The following MAML3 variants were observed in gnomAD, a reference collection of about 807,000 sequenced individuals.
The protein encoded by MAML3 is mastermind like transcriptional coactivator 3.
Under a neutral mutation model 101.9 loss-of-function variants are expected in MAML3, and 27 were observed. That is an observed-to-expected ratio of 0.27 (90% CI 0.20 to 0.37). The LOEUF is 0.37. MAML3 is among the 10% of genes least tolerant of loss of function. MAML3 has a pLI of 1.00. For missense variants in MAML3, 1,316 were observed against 1,444.9 expected (o/e 0.91, Z 1.45); for synonymous variants, 501 against 555.9 (o/e 0.90, Z 1.39).
chr4:140,036,816 G>A (rs971782176), intron 1 of MAML3, among the ~76,000 whole-genome samples: 5 of 152,036 alleles, frequency 3.3e-5, no homozygotes, highest in Admixed American at 3.3e-4. Flanking sequence ...CCAAAAGTTT[G>A]TCTCCTAGAG....
chr4:139,954,696 G>T (rs1193767292), intron 1 of MAML3, among the ~76,000 whole-genome samples: 1 of 152,050 alleles, frequency 6.6e-6, no homozygotes, highest in Non-Finnish European at 1.5e-5. Flanking sequence ...CTTTATTTTT[G>T]TTTTTTTGAG....
intron 2 of MAML3, among the ~76,000 whole-genome samples, chr4:139,745,545 A>G (rs1484077013): frequency 6.6e-6 from 1 of 152,166 alleles, no homozygotes; most frequent in Non-Finnish European, 1.5e-5. Flanking sequence ...TGCAAGAATA[A>G]GAATTCTCAT....
At chr4:139,812,600 C>T (rs1472514504) in intron 2 of MAML3, among the ~76,000 whole-genome samples, 1 of 152,210 alleles carries the variant, frequency 6.6e-6, no homozygotes, top group Non-Finnish European at 1.5e-5. Context: ...CCAAACCTGT[C>T]TGGCACTTGG....
intron 2 of MAML3, among the ~76,000 whole-genome samples, chr4:139,839,700 A>C (rs768317796): frequency 1.3e-5 from 2 of 152,188 alleles, no homozygotes; most frequent in African/African-American, 2.4e-5. Context: ...CAAGGGATGG[A>C]AACCGTGCAT....
chr4:139,788,190 A>G (rs909402284), intron 2 of MAML3, among the ~76,000 whole-genome samples: 2 of 152,198 alleles, frequency 1.3e-5, no homozygotes, highest in Non-Finnish European at 2.9e-5. Context: ...TTGAAAACTC[A>G]GTGAGAAATC....
chr4:140,106,088 GA>G (rs1174250000), intron 1 of MAML3, among the ~76,000 whole-genome samples: 13 of 104,054 alleles, frequency 1.2e-4, no homozygotes, highest in African/African-American at 4.7e-4. Context: ...TTTACTTCAG[GA>G]AATTTCTTGG....
chr4:140,147,110 C>T (rs926828981), intron 1 of MAML3, among the ~76,000 whole-genome samples: 1 of 121,134 alleles, frequency 8.3e-6, no homozygotes, highest in Non-Finnish European at 1.6e-5. Flanking sequence ...TCCAGCCTGA[C>T]GGCAGAGTGA....
chr4:139,842,360 A>G (rs1001827615), intron 2 of MAML3, among the ~76,000 whole-genome samples: 6 of 152,192 alleles, frequency 3.9e-5, no homozygotes, highest in Admixed American at 3.9e-4. Context: ...TTATCCCCTG[A>G]TTTTACATAC....
chr4:140,151,689 G>GC (rs1166430630), intron 1 of MAML3, among the ~76,000 whole-genome samples: 1 of 68,692 alleles, frequency 1.5e-5, no homozygotes, highest in Admixed American at 1.7e-4. Context: ...GCGGCGCGGT[G>GC]CGGGGGGGGG....
At chr4:139,946,933 T>A (rs868647834) in intron 1 of MAML3, among the ~76,000 whole-genome samples, 109 of 127,362 alleles carry the variant, frequency 8.6e-4, no homozygotes, top group South Asian at 3.7e-3. Context: ...ACACTCTCTC[T>A]CTCTCTCTCT....
intron 1 of MAML3, among the ~76,000 whole-genome samples, chr4:139,969,022 G>A (rs985637379): frequency 9.9e-5 from 15 of 151,754 alleles, no homozygotes; most frequent in South Asian, 2.1e-4. Flanking sequence ...AGAGGGTGCC[G>A]GCCCTCCCAT....
At chr4:140,149,448 T>A (rs185671048) in intron 1 of MAML3, among the ~76,000 whole-genome samples, 4 of 152,362 alleles carry the variant, frequency 2.6e-5, no homozygotes, top group African/African-American at 9.6e-5. Flanking sequence ...TTTGCTATTT[T>A]TTTGTTGTTG....
intron 1 of MAML3, among the ~76,000 whole-genome samples, chr4:140,068,816 G>A (rs1727581706): frequency 6.6e-6 from 1 of 152,150 alleles, no homozygotes. Flanking sequence ...ACTATTTGAA[G>A]AGTCTTAGGC....
At chr4:139,931,680 T>G (rs1424580883) in intron 1 of MAML3, among the ~76,000 whole-genome samples, 2 of 151,834 alleles carry the variant, frequency 1.3e-5, no homozygotes, top group African/African-American at 4.8e-5. Context: ...TTCCGTAATC[T>G]CCCCTTCTGC....
chr4:140,093,109 C>T (rs80165698), intron 1 of MAML3, among the ~76,000 whole-genome samples: 1,815 of 152,192 alleles, frequency 0.012, 40 homozygotes, highest in African/African-American at 0.042. Context: ...TGTTGTTCAC[C>T]CATCTATAAC....
intron 2 of MAML3, among the ~76,000 whole-genome samples, chr4:139,802,201 T>C (rs1404288412): frequency 6.6e-6 from 1 of 152,054 alleles, no homozygotes; most frequent in Non-Finnish European, 1.5e-5. Context: ...CCTGAAGATA[T>C]CCTATAACTG....
intron 1 of MAML3, among the ~76,000 whole-genome samples, chr4:140,039,943 C>T (rs532291342): frequency 4.6e-5 from 7 of 152,098 alleles, no homozygotes; most frequent in East Asian, 1.9e-4. Context: ...ACTGCTGGAG[C>T]GGGCAAACAA....
At chr4:139,866,853 A>G (rs1731907940) in intron 2 of MAML3, among the ~76,000 whole-genome samples, 2 of 152,168 alleles carry the variant, frequency 1.3e-5, no homozygotes, top group Admixed American at 6.5e-5. Flanking sequence ...ACAATTTAGT[A>G]CTTGATTATA....
intron 1 of MAML3, among the ~76,000 whole-genome samples, chr4:140,066,413 G>T (rs886646282): frequency 3.9e-5 from 6 of 152,160 alleles, no homozygotes; most frequent in Non-Finnish European, 8.8e-5. Flanking sequence ...GATAACGTTG[G>T]CATCGCTCTA....
Sources: gnomAD v4.1 joint callset for allele counts (sites outside exome capture counted in the v4.1 genomes callset) on GRCh38, gnomAD v4.1.1 for gene constraint, MANE v1.5 for transcripts, NCBI Gene and HGNC (gene_info 2026-07-23, HGNC 2026-07-21) for gene names.